PHLDB2: variants seen among roughly 807,000 people sequenced by gnomAD.
PHLDB2 encodes the protein pleckstrin homology-like domain family B member 2.
PHLDB2 carries 71 observed loss-of-function variants against 123.6 expected under a neutral mutation model. The observed-to-expected ratio is 0.57, with a 90% CI of 0.47 to 0.70. PHLDB2 has a LOEUF of 0.70. Among genes scored for constraint, PHLDB2 ranks in the 30% least tolerant of loss-of-function variants. PHLDB2 has a pLI of 0.00. For missense variants in PHLDB2, 1,446 were observed against 1,519.5 expected (o/e 0.95, Z 0.80); for synonymous variants, 547 against 541.6 (o/e 1.01, Z -0.14).
intron 1 of PHLDB2, among the ~76,000 whole-genome samples, chr3:111,883,796 A>G (rs2066048063): frequency 6.6e-6 from 1 of 152,166 alleles, no homozygotes. Flanking sequence ...CTAATCCTGC[A>G]CCTTTACTTG....
intron 2 of PHLDB2, among the ~76,000 whole-genome samples, chr3:111,896,999 A>G (rs989255094): frequency 2.6e-5 from 4 of 152,196 alleles, no homozygotes; most frequent in Admixed American, 6.5e-5. Flanking sequence ...ACTATAGGAC[A>G]ATGTCAGAGC....
At chr3:111,894,955 T>A (rs1368946244) in intron 2 of PHLDB2, among the ~76,000 whole-genome samples, 1 of 152,034 alleles carries the variant, frequency 6.6e-6, no homozygotes, top group African/African-American at 2.4e-5. Flanking sequence ...TGTGTATGTA[T>A]GTATGTGTGG....
At chr3:111,813,391 C>T (rs963619407) in intron 1 of PHLDB2, among the ~76,000 whole-genome samples, 2 of 151,896 alleles carry the variant, frequency 1.3e-5, no homozygotes, top group Admixed American at 6.6e-5. Context: ...TATTTAGTTT[C>T]CCCCTCTTTT....
chr3:111,860,320 A>G (rs1194437588), intron 1 of PHLDB2, among the ~76,000 whole-genome samples: 1 of 152,048 alleles, frequency 6.6e-6, no homozygotes, highest in Non-Finnish European at 1.5e-5. Context: ...ACGAGCTTTA[A>G]CCGCCAAAAG....
rs992773035 is a variant in PHLDB2, at chr3:111,810,808, G to A, written c.-48-35013G>A. Among the ~76,000 whole-genome samples the A allele has an allele frequency of 8.5e-5, 13 of 152,100 alleles. No individual in the cohort carries two copies. In the South Asian group the frequency reaches 1.2e-3, roughly 15 times the overall value. On this transcript the variant is annotated intron_variant, in intron 1 of 17. Coordinates refer to the PHLDB2 transcript ENST00000393923. ...TTCCAAATGCCTTATTTTTGACAACGGAATCCTTTGTCCAAAATAAATTTT... is the reference window on the plus strand; with the variant it reads ...TTCCAAATGCCTTATTTTTGACAACAGAATCCTTTGTCCAAAATAAATTTT...
chr3:111,757,767 C>T (rs2059921079), intron 1 of PHLDB2, among the ~76,000 whole-genome samples: 1 of 152,128 alleles, frequency 6.6e-6, no homozygotes. Context: ...GATGTCCTTT[C>T]TGTTTGTTAG....
chr3:111,841,346 GA>G (rs1210711241), intron 1 of PHLDB2, among the ~76,000 whole-genome samples: 1 of 152,154 alleles, frequency 6.6e-6, no homozygotes, highest in Non-Finnish European at 1.5e-5. Context: ...GGAGTAGGAG[GA>G]GGGGGGAACT....
chr3:111,878,170 A>G (rs2065740615), intron 1 of PHLDB2, among the ~76,000 whole-genome samples: 1 of 152,138 alleles, frequency 6.6e-6, no homozygotes, highest in Non-Finnish European at 1.5e-5. Context: ...AATATTGATT[A>G]TTCCTATCCG....
chr3:111,934,108 G>GGC (rs2069310182), intron 6 of PHLDB2, among the ~76,000 whole-genome samples: 1 of 152,160 alleles, frequency 6.6e-6, no homozygotes, highest in African/African-American at 2.4e-5. Flanking sequence ...ATTAATTGAA[G>GGC]GCAGAGACTT....
At chr3:111,745,397 G>A (rs762091352) in intron 1 of PHLDB2, among the ~76,000 whole-genome samples, 19 of 152,148 alleles carry the variant, frequency 1.2e-4, no homozygotes, top group East Asian at 9.6e-4. Context: ...ATTTCAATCC[G>A]TCTTACCAGC....
rs1053002973 is a variant in PHLDB2, at chr3:111,789,150, C to T, written c.-49+56447C>T. Among the ~76,000 whole-genome samples, 36 of 152,330 alleles carry T rather than the reference C, an allele frequency of 2.4e-4. 1 individual carries two copies. The highest frequency in any genetic ancestry group is 8.7e-4 in the African/African-American group (36 of 41,580). ...AGGCGATGGAAAAAACAGTGCTCCCCACTCCTGGTCAATCAAAGAGGTCTC... is the reference window on the plus strand; with the variant it reads ...AGGCGATGGAAAAAACAGTGCTCCCTACTCCTGGTCAATCAAAGAGGTCTC... On this transcript the variant is annotated intron_variant, in intron 1 of 17. Coordinates refer to the PHLDB2 transcript ENST00000393923.
intron 1 of PHLDB2, among the ~76,000 whole-genome samples, chr3:111,828,823 A>G (rs2062794773): frequency 6.6e-6 from 1 of 152,188 alleles, no homozygotes; most frequent in Admixed American, 6.5e-5. Flanking sequence ...AAAAAAGATT[A>G]TACCTTCCAC....
intron 1 of PHLDB2, among the ~76,000 whole-genome samples, chr3:111,830,685 T>C (rs377133874): frequency 1.4e-5 from 2 of 145,148 alleles, no homozygotes; most frequent in East Asian, 4.0e-4. Context: ...GGCGGGCGCC[T>C]GTAGTCCCAG....
chr3:111,850,978 G>A (rs1184121264), intron 2 of PHLDB2, among the ~76,000 whole-genome samples: 3 of 151,670 alleles, frequency 2.0e-5, no homozygotes, highest in African/African-American at 4.8e-5. Flanking sequence ...GGCAGATCAC[G>A]AGGTCAGGAG....
intron 1 of PHLDB2, among the ~76,000 whole-genome samples, chr3:111,841,020 G>GTTTGTA (rs1451839350): frequency 6.6e-6 from 1 of 152,082 alleles, no homozygotes; most frequent in Non-Finnish European, 1.5e-5. Context: ...AGGGAGCTAG[G>GTTTGTA]TTTGTATTTT....
chr3:111,739,433 A>T (rs1053281334), intron 1 of PHLDB2, among the ~76,000 whole-genome samples: 1 of 152,154 alleles, frequency 6.6e-6, no homozygotes, highest in Non-Finnish European at 1.5e-5. Flanking sequence ...GGAAGCCCTT[A>T]AAGGTGACGT....
chr3:111,930,688 G>A (rs932731826), intron 5 of PHLDB2, among the ~76,000 whole-genome samples: 5 of 152,148 alleles, frequency 3.3e-5, no homozygotes, highest in African/African-American at 7.2e-5. Context: ...ATTAGCACAC[G>A]TGGGCATCCT....
intron 1 of PHLDB2, among the ~76,000 whole-genome samples, chr3:111,782,805 G>A (rs1315009314): frequency 2.0e-5 from 3 of 152,196 alleles, no homozygotes; most frequent in African/African-American, 7.2e-5. Flanking sequence ...TAGCACATAT[G>A]AGGTGATAAA....
At chr3:111,787,569 C>A (rs937274468) in intron 1 of PHLDB2, among the ~76,000 whole-genome samples, 1 of 152,176 alleles carries the variant, frequency 6.6e-6, no homozygotes, top group African/African-American at 2.4e-5. Flanking sequence ...AATTGGAGGG[C>A]TCAATCTACT....
Sources: gnomAD v4.1 joint callset for allele counts (sites outside exome capture counted in the v4.1 genomes callset) on GRCh38, gnomAD v4.1.1 for gene constraint, MANE v1.5 for transcripts, NCBI Gene and HGNC (gene_info 2026-07-23, HGNC 2026-07-21) for gene names.